The following NT5DC1 variants were observed in gnomAD, a reference collection of about 807,000 sequenced individuals.
NT5DC1 encodes the protein 5'-nucleotidase domain containing 1.
NT5DC1 carries 42 observed loss-of-function variants against 59.4 expected under a neutral mutation model. The observed-to-expected ratio is 0.71, with a 90% CI of 0.55 to 0.92. The LOEUF is 0.92. NT5DC1 is among the 40% of genes least tolerant of loss of function. NT5DC1 has a pLI of 0.00. For missense variants in NT5DC1, 501 were observed against 537.1 expected, an observed-to-expected ratio of 0.93 and a Z score of 0.66; for synonymous variants, 172 against 188.1, an observed-to-expected ratio of 0.91 and a Z score of 0.70.
intron 1 of NT5DC1, among the ~76,000 whole-genome samples, chr6:116,103,459 T>C (rs1778703650): frequency 6.6e-6 from 1 of 152,178 alleles, no homozygotes; most frequent in Admixed American, 6.5e-5. Context: ...CCTTGCTGTC[T>C]GTATGGTGCC....
At chr6:116,172,436 C>T (rs1209710273) in intron 6 of NT5DC1, among the ~76,000 whole-genome samples, 1 of 151,442 alleles carries the variant, frequency 6.6e-6, no homozygotes, top group Non-Finnish European at 1.5e-5. Context: ...ATTCTCCTGC[C>T]TCAGCTTGCT....
chr6:116,123,318 C>T (rs1779191878), intron 6 of NT5DC1, among the ~76,000 whole-genome samples: 1 of 152,136 alleles, frequency 6.6e-6, no homozygotes, highest in Non-Finnish European at 1.5e-5. Context: ...CTTCTCAGTG[C>T]GAGAAAGAAT....
At chr6:116,123,898 A>T (rs540674277) in intron 6 of NT5DC1, among the ~76,000 whole-genome samples, 1 of 152,270 alleles carries the variant, frequency 6.6e-6, no homozygotes, top group East Asian at 1.9e-4. Context: ...TTAATTCAAG[A>T]CTTTGTTATG....
At chr6:116,193,487 A>C (rs937396631) in intron 6 of NT5DC1, among the ~76,000 whole-genome samples, 1 of 152,068 alleles carries the variant, frequency 6.6e-6, no homozygotes, top group Non-Finnish European at 1.5e-5. Flanking sequence ...CTGTTTCTCT[A>C]ACTTTAAGTT....
chr6:116,140,176 T>G (rs1779731118), intron 6 of NT5DC1, among the ~76,000 whole-genome samples: 1 of 152,164 alleles, frequency 6.6e-6, no homozygotes, highest in Non-Finnish European at 1.5e-5. Flanking sequence ...CAGTGCATGC[T>G]CTCAGGTATT....
intron 6 of NT5DC1, chr6:116,158,844 T>G (rs565444118): frequency 3.0e-4 from 46 of 152,300 alleles, no homozygotes; most frequent in African/African-American, 1.1e-3. Context: ...GAATGATGGT[T>G]TGCCTTCTGA....
At chr6:116,108,547 G>T (rs1463151565) in intron 3 of NT5DC1, 112 bp downstream of exon 3, 2 of 679,188 alleles carry the variant, frequency 2.9e-6, no homozygotes, top group Non-Finnish European at 2.7e-6. Context: ...TAATTAATCA[G>T]ATGACAGATT....
intron 6 of NT5DC1, chr6:116,121,103 CCAGT>C: frequency 6.2e-7 from 1 of 1,613,822 alleles, no homozygotes. Flanking sequence ...CCCAGGGGGT[CCAGT>C]CAGACCTGGC....
chr6:116,211,834 G>A (rs1414625486), intron 6 of NT5DC1, among the ~76,000 whole-genome samples: 1 of 151,992 alleles, frequency 6.6e-6, no homozygotes, highest in Non-Finnish European at 1.5e-5. Context: ...GGTTCTTCAT[G>A]TCCCTAGCCT....
At chr6:116,229,840 A>T (rs761743432) in intron 8 of NT5DC1, among the ~76,000 whole-genome samples, 2 of 151,892 alleles carry the variant, frequency 1.3e-5, no homozygotes, top group African/African-American at 2.4e-5. Context: ...TCACCAATAC[A>T]CTGACTCTGA....
chr6:116,184,384 G>GT (rs1190064969), intron 6 of NT5DC1, among the ~76,000 whole-genome samples: 1 of 151,922 alleles, frequency 6.6e-6, no homozygotes, highest in Non-Finnish European at 1.5e-5. Flanking sequence ...TCCTTTCCTG[G>GT]TTTTGGTATT....
chr6:116,223,195 C>T (rs1237860809), intron 8 of NT5DC1, 64 bp downstream of exon 8: 3 of 807,062 alleles, frequency 3.7e-6, no homozygotes, highest in Admixed American at 4.3e-5. Context: ...GTGCAGAACA[C>T]TGTGTTGCAT....
intron 6 of NT5DC1, among the ~76,000 whole-genome samples, chr6:116,212,843 T>C (rs776381158): frequency 6.6e-6 from 1 of 152,164 alleles, no homozygotes; most frequent in Non-Finnish European, 1.5e-5. Flanking sequence ...TTGCTTTAAA[T>C]ACTTGTTAAT....
Position 116,127,117 on chromosome 6 carries a change from G to T in NT5DC1, c.529+9172G>T, listed in dbSNP as rs140262623. Among the ~76,000 whole-genome samples the T allele has an allele frequency of 4.3e-3, 659 of 152,184 alleles. 9 individuals are homozygous for T. Among genetic ancestry groups the T allele is most frequent in the African/African-American group, 0.014 (583 of 41,538 alleles). ...CTATGCAGGTGAACTGGTTGAGGAG[G>T]ACAATTCCATACACAGGCATAGACA... is the stretch of plus-strand genomic sequence containing the variant. On this transcript the variant is annotated intron_variant, in intron 6 of 11. Coordinates refer to ENST00000319550, the MANE Select transcript of NT5DC1 (RefSeq NM_152729.3).
At chr6:116,128,097 C>A (rs1021853533) in intron 6 of NT5DC1, among the ~76,000 whole-genome samples, 4 of 152,112 alleles carry the variant, frequency 2.6e-5, no homozygotes, top group African/African-American at 9.7e-5. Context: ...AAAATCCATA[C>A]CAGGAGGTTG....
intron 6 of NT5DC1, among the ~76,000 whole-genome samples, chr6:116,185,559 G>A (rs1347637492): frequency 2.0e-5 from 3 of 152,072 alleles, no homozygotes; most frequent in Admixed American, 6.6e-5. Flanking sequence ...TGTTGGGTGC[G>A]TATATAGTTA....
intron 6 of NT5DC1, among the ~76,000 whole-genome samples, chr6:116,156,277 G>A (rs1780191653): frequency 1.3e-5 from 2 of 151,902 alleles, no homozygotes; most frequent in East Asian, 3.9e-4. Context: ...TAATTTTCCG[G>A]CAAAACTAAT....
intron 6 of NT5DC1, among the ~76,000 whole-genome samples, chr6:116,138,632 C>T (rs920079126): frequency 2.0e-5 from 3 of 152,032 alleles, no homozygotes; most frequent in African/African-American, 7.3e-5. Flanking sequence ...GACATCATGG[C>T]TTGTTATAAT....
At chr6:116,156,010 GA>G (rs1780183968) in intron 6 of NT5DC1, among the ~76,000 whole-genome samples, 1 of 152,126 alleles carries the variant, frequency 6.6e-6, no homozygotes, top group Non-Finnish European at 1.5e-5. Context: ...TCAAGTTCAA[GA>G]GTAGCTTTTA....
Sources: gnomAD v4.1 joint callset for allele counts (sites outside exome capture counted in the v4.1 genomes callset) on GRCh38, gnomAD v4.1.1 for gene constraint, MANE v1.5 for transcripts, NCBI Gene and HGNC (gene_info 2026-07-23, HGNC 2026-07-21) for gene names.